The following LRP1B variants were observed in gnomAD, a reference collection of about 807,000 sequenced individuals.
The protein encoded by LRP1B is low-density lipoprotein receptor-related protein 1B.
LRP1B carries 217 observed loss-of-function variants against 556.6 expected under a neutral mutation model. The observed-to-expected ratio is 0.39, with a 90% confidence interval of 0.35 to 0.44. LRP1B has a LOEUF of 0.44. Ranked by LOEUF, LRP1B falls within the 20% of genes least tolerant of loss-of-function variation. The pLI, the probability that LRP1B is intolerant of heterozygous loss-of-function variation, is 1.00. For missense variants in LRP1B, 5,053 were observed against 5,620.8 expected (o/e 0.90, Z 3.23); for synonymous variants, 2,047 against 1,865.8 (o/e 1.10, Z -2.50).
chr2:141,931,751 A>G (rs1448278056), intron 1 of LRP1B, among the ~76,000 whole-genome samples: 1 of 152,042 alleles, frequency 6.6e-6, no homozygotes, highest in Non-Finnish European at 1.5e-5. Context: ...GAATAAATAC[A>G]TGTTTTAGAG....
At chr2:141,761,157 T>C (rs1025858415) in intron 2 of LRP1B, among the ~76,000 whole-genome samples, 3 of 152,182 alleles carry the variant, frequency 2.0e-5, no homozygotes, top group Non-Finnish European at 2.9e-5. Flanking sequence ...TCAGTGATAT[T>C]TGTGTTTCTG....
chr2:141,493,031 C>T (rs564054763), intron 2 of LRP1B, among the ~76,000 whole-genome samples: 14 of 152,228 alleles, frequency 9.2e-5, no homozygotes, highest in African/African-American at 3.1e-4. Flanking sequence ...TTCCTATGTT[C>T]CAGGCTCTGT....
intron 2 of LRP1B, among the ~76,000 whole-genome samples, chr2:141,572,065 C>T (rs1380669039): frequency 1.3e-5 from 2 of 152,104 alleles, no homozygotes; most frequent in Non-Finnish European, 2.9e-5. Flanking sequence ...CATACAACTT[C>T]AGGAAATGCA....
chr2:142,036,770 C>A (rs908941733), intron 1 of LRP1B, among the ~76,000 whole-genome samples: 1 of 151,614 alleles, frequency 6.6e-6, no homozygotes, highest in Non-Finnish European at 1.5e-5. Context: ...CTCAGCAAAG[C>A]CTTTGACATA....
intron 2 of LRP1B, among the ~76,000 whole-genome samples, chr2:141,613,433 A>G (rs1405377481): frequency 6.6e-6 from 1 of 152,110 alleles, no homozygotes. Flanking sequence ...CGCCACATGA[A>G]CTTTCACATT....
chr2:141,846,181 C>T (rs76783919), intron 1 of LRP1B, among the ~76,000 whole-genome samples: 10 of 151,220 alleles, frequency 6.6e-5, no homozygotes, highest in Non-Finnish European at 1.3e-4. Context: ...GATGAGTAGA[C>T]TAAAAAATAC....
chr2:141,658,093 A>G (rs1252087026), intron 2 of LRP1B, among the ~76,000 whole-genome samples: 1 of 152,182 alleles, frequency 6.6e-6, no homozygotes, highest in African/African-American at 2.4e-5. Flanking sequence ...TAGTCAAATT[A>G]TCTCATTTCA....
At chr2:140,673,198 C>G (rs1403331132) in intron 41 of LRP1B, among the ~76,000 whole-genome samples, 1 of 152,132 alleles carries the variant, frequency 6.6e-6, no homozygotes, top group Non-Finnish European at 1.5e-5. Context: ...TTGGAAATAT[C>G]CAAAGTTAAA....
intron 89 of LRP1B, among the ~76,000 whole-genome samples, chr2:140,235,186 A>G (rs1053583493): frequency 6.6e-6 from 1 of 151,176 alleles, no homozygotes; most frequent in African/African-American, 2.4e-5. Context: ...TTGAAGATAA[A>G]ACTAGTACAT....
intron 51 of LRP1B, among the ~76,000 whole-genome samples, chr2:140,513,468 AACAG>A (rs1455546644): frequency 9.4e-5 from 14 of 148,368 alleles, no homozygotes; most frequent in Admixed American, 6.8e-5. Context: ...AGCAAAGAGA[AACAG>A]ACAGTCATCT....
intron 1 of LRP1B, among the ~76,000 whole-genome samples, chr2:141,817,565 A>G (rs1004773877): frequency 1.3e-5 from 2 of 152,112 alleles, no homozygotes; most frequent in Admixed American, 6.6e-5. Flanking sequence ...GCTGTCACAG[A>G]CTAGCTAATT....
chr2:141,502,784 G>A (rs1260106454), intron 2 of LRP1B, among the ~76,000 whole-genome samples: 3 of 151,794 alleles, frequency 2.0e-5, no homozygotes, highest in South Asian at 2.1e-4. Context: ...GGTTGAACCC[G>A]GGAGGCGGAG....
intron 2 of LRP1B, among the ~76,000 whole-genome samples, chr2:141,557,244 A>G (rs1291663198): frequency 6.6e-6 from 1 of 151,898 alleles, no homozygotes; most frequent in African/African-American, 2.4e-5. Flanking sequence ...CAGGAAACAA[A>G]CAAACAACAA....
chr2:140,554,406 G>A lies in LRP1B; in HGVS notation c.7195-12435C>T, dbSNP rs1472012107. The stretch of plus-strand genomic sequence containing the variant: ...CATTTAAACAGTTTGTGATTCATAA[G>A]CTGATTTGTGTCAATGAAGAGTATT... On this transcript the variant is annotated intron_variant, in intron 43 of 90. Transcript: ENST00000389484. 6.6e-5 allele frequency among the ~76,000 whole-genome samples: 10 copies of A among 152,168 alleles called. No individual in the cohort carries two copies. The East Asian group carries it at 1.9e-3, about 29-fold the overall frequency.
At chr2:141,357,167 T>C (rs2105554765) in intron 3 of LRP1B, among the ~76,000 whole-genome samples, 1 of 152,188 alleles carries the variant, frequency 6.6e-6, no homozygotes, top group South Asian at 2.1e-4. Context: ...GGGATTCTCT[T>C]GCCTCAGCCT....
chr2:140,979,654 A>G lies in LRP1B; in HGVS notation c.2887+2506T>C, dbSNP rs145585047. On this transcript the variant is annotated intron_variant, in intron 18 of 90. Transcript: ENST00000389484. ...GAAATGTTAAAACATTTACCAACAC[A>G]ACAAGGAATGAAACCTACTATAACT... Among the ~76,000 whole-genome samples, 44 of 152,290 alleles carry G rather than the reference A, an allele frequency of 2.9e-4. No individual in the cohort carries two copies. In the South Asian group the frequency reaches 6.2e-3, roughly 22 times the overall value.
Position 142,083,100 on chromosome 2 carries a change from G to A in LRP1B, c.82+47548C>T, listed in dbSNP as rs538933311. Among the ~76,000 whole-genome samples, 11 of 152,320 alleles carry A rather than the reference G, an allele frequency of 7.2e-5. No homozygotes were observed. In the South Asian group the frequency reaches 2.3e-3, roughly 32 times the overall value. On this transcript the variant is annotated intron_variant, in intron 1 of 90. Transcript: ENST00000389484. ...CAAGAGGTAAAGAAAACTGGCTCAA[G>A]GTAGAGGTTCATAGGCCCATGCGGC...
chr2:142,052,469 C>T (rs1337115573), intron 1 of LRP1B, among the ~76,000 whole-genome samples: 3 of 152,102 alleles, frequency 2.0e-5, no homozygotes, highest in Non-Finnish European at 2.9e-5. Flanking sequence ...TGATTCTCTG[C>T]GTGCATCCCA....
intron 1 of LRP1B, among the ~76,000 whole-genome samples, chr2:141,922,307 C>T (rs148515735): frequency 1.1e-3 from 165 of 152,306 alleles, no homozygotes; most frequent in African/African-American, 3.9e-3. Flanking sequence ...AAACCAACAA[C>T]TATGACAAGC....
Sources: allele counts gnomAD v4.1 joint callset (sites outside exome capture counted in the v4.1 genomes callset), GRCh38; gene constraint gnomAD v4.1.1; transcripts MANE v1.5; gene names NCBI Gene and HGNC (gene_info 2026-07-23, HGNC 2026-07-21).